DGKH: variants seen among roughly 807,000 people sequenced by gnomAD.
DGKH encodes diacylglycerol kinase eta, also known as DAG kinase eta.
DGKH carries 90 observed loss-of-function variants against 159.3 expected under a neutral mutation model. That is an observed-to-expected ratio of 0.57 (90% CI 0.48 to 0.67). The LOEUF (loss-of-function observed/expected upper bound fraction) is 0.67. DGKH is among the 30% of genes least tolerant of loss of function. The pLI is 0.00. For synonymous variants in DGKH, 536 were observed against 553.8 expected (o/e 0.97, Z 0.45); for missense variants, 1,181 against 1,506.1 (o/e 0.78, Z 3.57).
chr13:42,138,819 T>C (rs930784688), intron 3 of DGKH, among the ~76,000 whole-genome samples: 1 of 152,200 alleles, frequency 6.6e-6, no homozygotes, highest in Admixed American at 6.5e-5. Context: ...AACATTTATA[T>C]TAGTTAAAAT....
chr13:42,064,964 T>A (rs540270394), intron 1 of DGKH, among the ~76,000 whole-genome samples: 2 of 152,306 alleles, frequency 1.3e-5, no homozygotes, highest in Admixed American at 6.5e-5. Context: ...GCAAGTTATA[T>A]AACCTCTTCA....
intron 29 of DGKH, chr13:42,225,166 G>A: frequency 1.1e-6 from 1 of 877,908 alleles, no homozygotes; most frequent in Non-Finnish European, 1.7e-6. Flanking sequence ...CAAGAGATCG[G>A]CCTGCCTTGG....
chr13:42,161,371 G>A lies in DGKH; in HGVS notation c.855+1235G>A, dbSNP rs146079333. 2.4e-4 allele frequency among the ~76,000 whole-genome samples: 37 copies of A among 152,318 alleles called. 1 individual carries two copies. The highest frequency in any genetic ancestry group is 9.6e-4 in the East Asian group (5 of 5,188). ...AATGTATTAGAAAGAAAACACGGCCGGGCGCGGTGGCTCACACCTGTAATC... is the reference window on the plus strand; with the variant it reads ...AATGTATTAGAAAGAAAACACGGCCAGGCGCGGTGGCTCACACCTGTAATC... On this transcript the variant is annotated intron_variant, in intron 7 of 29. Coordinates refer to ENST00000337343, the MANE Select transcript of DGKH (RefSeq NM_178009.5).
chr13:42,101,367 T>C lies in DGKH; in HGVS notation c.193-26096T>C, dbSNP rs148072551. On this transcript the variant is annotated intron_variant, in intron 1 of 29. Transcript: ENST00000337343. ...AACTAGGAATAAACCATTTGATTTG[T>C]TGAAAGCTGTGCTGTCTAGTACAGT... Among the ~76,000 whole-genome samples the C allele has an allele frequency of 8.5e-5, 13 of 152,366 alleles. No individual in the cohort carries two copies. The East Asian group carries it at 2.5e-3, about 29-fold the overall frequency.
At chr13:42,163,410 AGTTCTAGATCCCT>A (rs1308526940) in intron 7 of DGKH, among the ~76,000 whole-genome samples, 1 of 152,082 alleles carries the variant, frequency 6.6e-6, no homozygotes, top group Non-Finnish European at 1.5e-5. Flanking sequence ...TGGTATTTCT[AGTTCTAGATCCCT>A]GAGGAATCGC....
At chr13:42,055,230 T>A (rs1881668198) in intron 1 of DGKH, among the ~76,000 whole-genome samples, 1 of 152,170 alleles carries the variant, frequency 6.6e-6, no homozygotes, top group East Asian at 1.9e-4. Context: ...TGCTGTTAAA[T>A]ATGATCCACA....
chr13:42,047,646 C>G (rs1880882596), upstream of DGKH, among the ~76,000 whole-genome samples: 1 of 152,218 alleles, frequency 6.6e-6, no homozygotes, highest in South Asian at 2.1e-4. Flanking sequence ...GTCCGCGGTT[C>G]CCAAGTGCCC....
chr13:42,048,858 G>A lies in DGKH; in HGVS notation c.85G>A (p.Ala29Thr). ...AGCCGGCGCCGCGGTCACCTCCGCC[G>A]CTGCCTCGGCGGGGCCGGGAGAGGA... is the stretch of plus-strand genomic sequence containing the variant. Reference protein sequence around the residue: ...AGAGAAVTSAAASAGPGEDSS... With the variant: ...AGAGAAVTSATASAGPGEDSS... Residue 29 changes from alanine to threonine, a missense_variant, in exon 1 of 30, where the codon GCT becomes ACT. Physicochemically the swap from Ala to Thr is moderately conservative, Grantham distance 58 (BLOSUM62 0). This residue lies in a region of DGKH where 136 missense variants were observed against 132.2 expected (regional missense o/e 1.03). Transcript: ENST00000337343. This position sits in a 1 kb window ranked among gnomAD's most constrained non-coding sequence, Gnocchi z 6.7. 2.2e-6 allele frequency: 3 copies of A among 1,372,074 alleles called. No individual in the cohort carries two copies. Among genetic ancestry groups the A allele is most frequent in the Non-Finnish European group, 2.8e-6 (3 of 1,059,178 alleles). 85.0% of individuals were successfully genotyped at this position (1,372,074 alleles called of 1,614,324 possible).
intron 13 of DGKH, among the ~76,000 whole-genome samples, chr13:42,181,206 G>A (rs899907186): frequency 6.6e-6 from 1 of 150,484 alleles, no homozygotes. Flanking sequence ...GAACCCGGGA[G>A]GCGGAGCTTG....
intron 21 of DGKH, among the ~76,000 whole-genome samples, chr13:42,206,984 T>TTTCTTTCTTTCTTTCTTTCC (rs1957493902): frequency 1.0e-5 from 1 of 96,510 alleles, no homozygotes; most frequent in Non-Finnish European, 2.3e-5. Context: ...TTTTTCTTTC[T>TTTCTTTCTTTCTTTCTTTCC]TTCTTTCTTT....
chr13:42,215,133 C>G, intron 25 of DGKH, among the ~76,000 whole-genome samples: 1 of 150,066 alleles, frequency 6.7e-6, no homozygotes, highest in East Asian at 1.9e-4. Flanking sequence ...TGGTACAATG[C>G]TATAGTATGG....
At chr13:42,141,031 C>CGTCATTTA (rs1343525216) in intron 3 of DGKH, among the ~76,000 whole-genome samples, 31 of 2,240 alleles carry the variant, frequency 0.014, no homozygotes, top group Admixed American at 0.041. Flanking sequence ...GCTGAACCCT[C>CGTCATTTA]CTAATGCTAT....
At chr13:42,162,442 G>A (rs1260814612) in intron 7 of DGKH, among the ~76,000 whole-genome samples, 2 of 152,194 alleles carry the variant, frequency 1.3e-5, no homozygotes, top group Non-Finnish European at 2.9e-5. Context: ...GAACCTGGGA[G>A]TTGGAGGTTG....
At chr13:42,135,421 C>T (rs536391502) in intron 3 of DGKH, among the ~76,000 whole-genome samples, 78 of 141,442 alleles carry the variant, frequency 5.5e-4, no homozygotes, top group African/African-American at 1.6e-3. Flanking sequence ...ATCTCTTGAG[C>T]GGAGGTTGCA....
intron 14 of DGKH, among the ~76,000 whole-genome samples, chr13:42,188,224 TAGATG>T (rs1170953705): frequency 6.6e-6 from 1 of 152,166 alleles, no homozygotes; most frequent in Admixed American, 6.5e-5. Context: ...CAAAGACAAA[TAGATG>T]AGGAGGAAAG....
At chr13:42,248,219 C>T (rs889722495) in intron 29 of DGKH, among the ~76,000 whole-genome samples, 1 of 151,980 alleles carries the variant, frequency 6.6e-6, no homozygotes, top group African/African-American at 2.4e-5. Flanking sequence ...GCCAGGAGTT[C>T]GAGACCAGCA....
At chr13:42,130,441 G>T (rs1214335034) in intron 3 of DGKH, among the ~76,000 whole-genome samples, 5 of 152,186 alleles carry the variant, frequency 3.3e-5, no homozygotes, top group African/African-American at 1.2e-4. Context: ...ATTCAGAGGT[G>T]AATGTGTATG....
intron 29 of DGKH, among the ~76,000 whole-genome samples, chr13:42,248,379 C>T (rs1014434063): frequency 5.3e-5 from 8 of 150,904 alleles, no homozygotes; most frequent in African/African-American, 1.5e-4. Flanking sequence ...TGACCTGAGA[C>T]GGGGCCACTG....
At chr13:42,137,746 C>T (rs1955431116) in intron 3 of DGKH, among the ~76,000 whole-genome samples, 1 of 152,122 alleles carries the variant, frequency 6.6e-6, no homozygotes, top group Non-Finnish European at 1.5e-5. Context: ...GAAATGTTGA[C>T]TAAAGAGCTC....
Sources: gnomAD v4.1 joint callset for allele counts (sites outside exome capture counted in the v4.1 genomes callset) on GRCh38, gnomAD v4.1.1 for gene constraint, gnomAD v4.1.1 regional missense constraint, Gnocchi (gnomAD v3.1) non-coding constraint, MANE v1.5 for transcripts, NCBI Gene and HGNC (gene_info 2026-07-23, HGNC 2026-07-21) for gene names.